The following ELP4 variants were observed in gnomAD, a reference collection of about 807,000 sequenced individuals.
ELP4 encodes elongator acetyltransferase complex subunit 4.
Under a neutral mutation model 48.9 loss-of-function variants are expected in ELP4, and 51 were observed. The observed-to-expected ratio is 1.04, with a 90% confidence interval of 0.83 to 1.32. The LOEUF (loss-of-function observed/expected upper bound fraction) is 1.32. Ranked by LOEUF, ELP4 falls within the 40% of genes most tolerant of loss-of-function variation. The pLI is 0.00. For synonymous variants in ELP4, 210 were observed against 189.2 expected, an observed-to-expected ratio of 1.11 and a Z score of -0.90; for missense variants, 519 against 514.6, an observed-to-expected ratio of 1.01 and a Z score of -0.08.
intron 9 of ELP4, among the ~76,000 whole-genome samples, chr11:31,674,982 G>T (rs1202978277): frequency 6.6e-6 from 1 of 151,988 alleles, no homozygotes; most frequent in Non-Finnish European, 1.5e-5. Flanking sequence ...GCGCATGTTT[G>T]TACACAACGT....
chr11:31,650,910 C>T (rs1286356368), intron 9 of ELP4: 1 of 151,578 alleles, frequency 6.6e-6, no homozygotes, highest in African/African-American at 2.4e-5. Context: ...TCAGTATAGT[C>T]GGTGCAATTT....
At chr11:31,577,379 C>T (rs1330773684) in intron 3 of ELP4, among the ~76,000 whole-genome samples, 1 of 152,164 alleles carries the variant, frequency 6.6e-6, no homozygotes, top group South Asian at 2.1e-4. Flanking sequence ...GGTACCATTC[C>T]TTCTGAAACT....
intron 7 of ELP4, among the ~76,000 whole-genome samples, chr11:31,642,060 T>C (rs1034241615): frequency 1.4e-4 from 21 of 152,092 alleles, no homozygotes; most frequent in African/African-American, 4.8e-4. Flanking sequence ...GATTTCTTAA[T>C]ATGAAACTAG....
At chr11:31,737,044 A>G (rs554306687) in intron 9 of ELP4, among the ~76,000 whole-genome samples, 1 of 152,242 alleles carries the variant, frequency 6.6e-6, no homozygotes, top group African/African-American at 2.4e-5. Context: ...ACTATTCACA[A>G]TAGCAAAGAC....
Position 31,789,663 on chromosome 11 carries a change from A to T in ELP4, c.*6139A>T. The T allele has an allele frequency of 1.4e-6, 1 of 702,126 alleles. No individual in the cohort carries two copies. The highest frequency in any genetic ancestry group is 2.6e-6 in the Non-Finnish European group (1 of 384,646). The allele number at this position is 702,126 out of a possible 1,614,324, so 43.5% of individuals were successfully genotyped here. A position where few individuals can be genotyped will look rare whatever the true frequency, so the allele number is the denominator to read the frequency against. ...TTCTTTTTTTCATTATAACATACAA[A>T]TGCCCATTTACAAATAATACACCAA... is the stretch of plus-strand genomic sequence containing the variant. On this transcript the variant is annotated 3_prime_UTR_variant, in exon 10 of 10. Transcript: ENST00000640961.
rs1417688941 is a variant in ELP4 at position 31,674,409 on chromosome 11, T to G, written c.1143+24188T>G. Among the ~76,000 whole-genome samples the G allele has an allele frequency of 6.6e-5, 10 of 152,198 alleles. 1 individual carries two copies. The highest frequency in any genetic ancestry group is 6.5e-4 in the Admixed American group (10 of 15,282). ...TGCTTGCATGCCATTGGCCACTTAA[T>G]AGAAAAACCTTGAAGTGTGATGCAA... On this transcript the variant is annotated intron_variant, in intron 9 of 9. Coordinates refer to ENST00000640961, the MANE Select transcript of ELP4 (RefSeq NM_019040.5).
chr11:31,759,564 A>T (rs1020897431), intron 9 of ELP4, among the ~76,000 whole-genome samples: 1 of 152,198 alleles, frequency 6.6e-6, no homozygotes, highest in African/African-American at 2.4e-5. Flanking sequence ...TGTAATATGC[A>T]TCTTCTCATA....
intron 9 of ELP4, among the ~76,000 whole-genome samples, chr11:31,680,575 C>T (rs1339449436): frequency 1.3e-5 from 2 of 152,146 alleles, no homozygotes; most frequent in South Asian, 2.1e-4. Context: ...GATATACTCA[C>T]CCCTGCCTGA....
intron 9 of ELP4, among the ~76,000 whole-genome samples, chr11:31,776,992 C>A (rs1948261797): frequency 6.6e-6 from 1 of 152,232 alleles, no homozygotes; most frequent in South Asian, 2.1e-4. Flanking sequence ...GCATTGTTTC[C>A]ACTGGCCTAT....
intron 5 of ELP4, among the ~76,000 whole-genome samples, chr11:31,605,441 C>G (rs960437728): frequency 6.6e-6 from 1 of 151,974 alleles, no homozygotes; most frequent in Non-Finnish European, 1.5e-5. Context: ...GGGTAATTTT[C>G]CCATAATTTT....
At chr11:31,577,341 A>G (rs1456039724) in intron 3 of ELP4, among the ~76,000 whole-genome samples, 1 of 152,202 alleles carries the variant, frequency 6.6e-6, no homozygotes, top group African/African-American at 2.4e-5. Context: ...TTAACAGCCA[A>G]ATTCTACCAG....
At chr11:31,587,522 A>G (rs911390257) in intron 3 of ELP4, among the ~76,000 whole-genome samples, 3 of 152,242 alleles carry the variant, frequency 2.0e-5, no homozygotes, top group Admixed American at 6.5e-5. Context: ...CTCCAAAATC[A>G]TGTTATTTAT....
At chr11:31,781,787 G>A (rs1948383528) in intron 9 of ELP4, among the ~76,000 whole-genome samples, 1 of 151,906 alleles carries the variant, frequency 6.6e-6, no homozygotes, top group African/African-American at 2.4e-5. Context: ...ATGAGCCAGT[G>A]TGCCTGGCCG....
At chr11:31,639,752 A>G (rs914048416) in intron 7 of ELP4, among the ~76,000 whole-genome samples, 2 of 151,980 alleles carry the variant, frequency 1.3e-5, no homozygotes, top group Non-Finnish European at 2.9e-5. Context: ...AAAGAGAAGT[A>G]CGATTCAGAA....
Position 31,616,466 on chromosome 11 carries a change from A to G in ELP4, c.654-10644A>G, listed in dbSNP as rs140477532. On this transcript the variant is annotated intron_variant, in intron 5 of 9. Coordinates refer to ENST00000640961, the MANE Select transcript of ELP4 (RefSeq NM_019040.5). ...CCTAAACATAAGATTCAAAACTATT[A>G]AAATCCTGGAAGAAAACATAGGGGA... Among the ~76,000 whole-genome samples the G allele has an allele frequency of 1.2e-4, 18 of 152,242 alleles. No homozygotes were observed. The East Asian group carries it at 3.1e-3, about 26-fold the overall frequency.
chr11:31,524,266 A>G (rs1017526976), intron 2 of ELP4, among the ~76,000 whole-genome samples: 3 of 152,210 alleles, frequency 2.0e-5, no homozygotes, highest in Non-Finnish European at 4.4e-5. Flanking sequence ...AGCCTACAAT[A>G]TAGGTGTCAG....
chr11:31,646,940 T>C (rs1945212165), intron 7 of ELP4: 1 of 151,726 alleles, frequency 6.6e-6, no homozygotes, highest in Non-Finnish European at 1.5e-5. Flanking sequence ...TTCTTAGTAT[T>C]TTAGAACTTT....
rs1948431811 is a variant in ELP4, at chr11:31,783,777, C to T, written c.*253C>T. On this transcript the variant is annotated 3_prime_UTR_variant, in exon 10 of 10. Coordinates refer to ENST00000640961, the MANE Select transcript of ELP4 (RefSeq NM_019040.5). ...AATAAACGCCAAAAAATGTCAAAAT[C>T]TCAAGATTCCTGACAGTGGTCATTC... 3.0e-6 allele frequency: 1 copy of T among 331,928 alleles called. No homozygotes were observed. The highest frequency in any genetic ancestry group is 5.5e-6 in the Non-Finnish European group (1 of 180,800). 20.6% of individuals were successfully genotyped at this position (331,928 alleles called of 1,614,324 possible).
chr11:31,604,216 T>G (rs16922310), intron 5 of ELP4, among the ~76,000 whole-genome samples: 4,032 of 151,896 alleles, frequency 0.027, 166 homozygotes, highest in African/African-American at 0.092. Context: ...AATCAGAGTC[T>G]TTCAGCTTTA....
Sources: allele counts gnomAD v4.1 joint callset (sites outside exome capture counted in the v4.1 genomes callset), GRCh38; gene constraint gnomAD v4.1.1; transcripts MANE v1.5; gene names NCBI Gene and HGNC (gene_info 2026-07-23, HGNC 2026-07-21).